EYS: variants seen among roughly 807,000 people sequenced by gnomAD.
EYS encodes protein eyes shut homolog.
EYS carries 250 observed loss-of-function variants against 282.1 expected under a neutral mutation model. The ratio of observed to expected loss-of-function variants is 0.89; its 90% CI spans 0.80 to 0.98. The LOEUF is 0.98. EYS is among the 50% of genes least tolerant of loss of function. The probability of loss-of-function intolerance (pLI) is 0.00; values close to 1 mark genes in which losing one functional copy is unlikely to be tolerated. For missense variants in EYS, 4,016 were observed against 3,709.0 expected (o/e 1.08, Z -2.15); for synonymous variants, 1,355 against 1,282.9 (o/e 1.06, Z -1.20).
intron 31 of EYS, among the ~76,000 whole-genome samples, chr6:64,209,976 C>A (rs533302905): frequency 2.6e-5 from 4 of 152,112 alleles, no homozygotes; most frequent in Non-Finnish European, 5.9e-5. Flanking sequence ...TTATTGCCTG[C>A]CTGTTTAATA....
chr6:65,596,482 T>G (rs979188650), intron 2 of EYS, among the ~76,000 whole-genome samples: 1 of 152,106 alleles, frequency 6.6e-6, no homozygotes, highest in Non-Finnish European at 1.5e-5. Context: ...GTGATTTTTA[T>G]GTAAATGCAA....
At chr6:64,582,840 C>A (rs966228840) in intron 26 of EYS, among the ~76,000 whole-genome samples, 6 of 151,920 alleles carry the variant, frequency 3.9e-5, no homozygotes. Flanking sequence ...CACAAAAGCA[C>A]GGGGCTTTCA....
At chr6:65,331,641 C>G in intron 11 of EYS, 1 of 980,940 alleles carries the variant, frequency 1.0e-6, no homozygotes, top group Non-Finnish European at 1.2e-6. Flanking sequence ...AAGAGAATCA[C>G]AAAATCAGAA....
intron 12 of EYS, among the ~76,000 whole-genome samples, chr6:65,223,124 C>A (rs553776): frequency 0.026 from 3,930 of 152,150 alleles, 164 homozygotes; most frequent in African/African-American, 0.09. Flanking sequence ...CTAATCAAAA[C>A]CTCACAATAA....
chr6:65,605,805 T>A (rs769858388), intron 2 of EYS, among the ~76,000 whole-genome samples: 3 of 151,810 alleles, frequency 2.0e-5, no homozygotes, highest in Non-Finnish European at 4.4e-5. Flanking sequence ...TGAATAAATA[T>A]GTGTGTGTAT....
At chr6:63,997,786 G>A (rs374321828) in intron 34 of EYS, among the ~76,000 whole-genome samples, 2 of 152,090 alleles carry the variant, frequency 1.3e-5, no homozygotes, top group African/African-American at 2.4e-5. Context: ...GATTCTATGT[G>A]TTAAAAATGT....
At chr6:63,783,053 G>A (rs1260893305) in intron 39 of EYS, among the ~76,000 whole-genome samples, 1 of 151,026 alleles carries the variant, frequency 6.6e-6, no homozygotes, top group Non-Finnish European at 1.5e-5. Flanking sequence ...ATTAAAAAAA[G>A]GAGAGAGAAA....
intron 9 of EYS, among the ~76,000 whole-genome samples, chr6:65,349,146 A>G (rs1337296666): frequency 2.0e-5 from 3 of 151,310 alleles, no homozygotes; most frequent in Non-Finnish European, 4.4e-5. Context: ...ATTATATGTT[A>G]TATATTTTTT....
intron 26 of EYS, among the ~76,000 whole-genome samples, chr6:64,574,281 T>A (rs1279653007): frequency 1.3e-5 from 2 of 151,722 alleles, no homozygotes; most frequent in African/African-American, 4.8e-5. Flanking sequence ...TATTGGTGGG[T>A]GGGGGCAAGG....
chr6:64,025,751 A>C (rs1045868194), intron 33 of EYS, among the ~76,000 whole-genome samples: 1 of 152,102 alleles, frequency 6.6e-6, no homozygotes, highest in African/African-American at 2.4e-5. Context: ...TATCCTTCCT[A>C]TTCATATAAG....
chr6:65,558,721 T>G (rs1233207595), intron 2 of EYS, among the ~76,000 whole-genome samples: 1 of 152,230 alleles, frequency 6.6e-6, no homozygotes, highest in Non-Finnish European at 1.5e-5. Context: ...AGAAATTACC[T>G]TTCTACTTGA....
chr6:65,142,640 C>A (rs1561987952), intron 12 of EYS, among the ~76,000 whole-genome samples: 1 of 151,242 alleles, frequency 6.6e-6, no homozygotes, highest in East Asian at 2.0e-4. Context: ...TCCTGTTACT[C>A]TATAGTTATT....
At chr6:64,213,456 C>A (rs1765843380) in intron 31 of EYS, among the ~76,000 whole-genome samples, 1 of 151,990 alleles carries the variant, frequency 6.6e-6, no homozygotes, top group Non-Finnish European at 1.5e-5. Flanking sequence ...TGAGTTGGAA[C>A]CGATCAGAAT....
chr6:64,260,869 C>CT (rs1196242496), intron 30 of EYS, among the ~76,000 whole-genome samples: 3 of 151,148 alleles, frequency 2.0e-5, no homozygotes, highest in East Asian at 1.9e-4. Flanking sequence ...ATTTGTATAT[C>CT]TTTTTTTAGT....
chr6:65,479,094 A>C (rs1377911025), intron 5 of EYS, among the ~76,000 whole-genome samples: 1 of 143,938 alleles, frequency 6.9e-6, no homozygotes, highest in African/African-American at 2.4e-5. Flanking sequence ...CATACCATAA[A>C]CTCAGAAATT....
At chr6:65,329,948 A>G in intron 11 of EYS, 1 of 976,452 alleles carries the variant, frequency 1.0e-6, no homozygotes, top group African/African-American at 1.8e-5. Context: ...TATGTTTTGG[A>G]TATATTTAAC....
At chr6:64,686,827 A>ATATGTG (rs1562133949) in intron 22 of EYS, among the ~76,000 whole-genome samples, 3 of 40,872 alleles carry the variant, frequency 7.3e-5, no homozygotes, top group African/African-American at 1.5e-4. Flanking sequence ...ATATGTGTAT[A>ATATGTG]TATATATATA....
At chr6:65,355,087 C>A (rs1764429232) in intron 8 of EYS, among the ~76,000 whole-genome samples, 1 of 151,982 alleles carries the variant, frequency 6.6e-6, no homozygotes, top group South Asian at 2.1e-4. Flanking sequence ...CTAATGAATT[C>A]TGAATATATG....
At chr6:63,880,387 C>A (rs1391288022) in intron 35 of EYS, among the ~76,000 whole-genome samples, 1 of 152,038 alleles carries the variant, frequency 6.6e-6, no homozygotes, top group Non-Finnish European at 1.5e-5. Flanking sequence ...GCTCCTCAAG[C>A]TTGCAGACAG....
Sources: allele counts gnomAD v4.1 joint callset (sites outside exome capture counted in the v4.1 genomes callset), GRCh38; gene constraint gnomAD v4.1.1; transcripts MANE v1.5; gene names NCBI Gene and HGNC (gene_info 2026-07-23, HGNC 2026-07-21).